SLCO1A2: variants seen among roughly 807,000 people sequenced by gnomAD.
The protein encoded by SLCO1A2 is solute carrier organic anion transporter family member 1A2, also known as OATP-1.
Under a neutral mutation model 69.0 loss-of-function variants are expected in SLCO1A2, and 67 were observed. The ratio of observed to expected loss-of-function variants is 0.97; its 90% CI spans 0.80 to 1.19. The LOEUF (loss-of-function observed/expected upper bound fraction) is 1.19. Among genes scored for constraint, SLCO1A2 ranks in the 50% most tolerant of loss-of-function variants. The pLI, the probability that SLCO1A2 is intolerant of heterozygous loss-of-function variation, is 0.00. For synonymous variants in SLCO1A2, 260 were observed against 265.9 expected, an observed-to-expected ratio of 0.98 and a Z score of 0.22; for missense variants, 787 against 793.7, an observed-to-expected ratio of 0.99 and a Z score of 0.10.
rs1186444203 is a variant in SLCO1A2 at position 21,306,983 on chromosome 12, T to A, written c.341A>T (p.Glu114Val). 1 of 1,604,510 alleles carries A rather than the reference T, an allele frequency of 6.2e-7. No individual in the cohort carries two copies. The highest frequency in any genetic ancestry group is 1.7e-5 in the Admixed American group (1 of 59,992). ...SLPHFLMNQY[E>V]YESTVSVSGN... Reference sequence around the variant, plus strand: ...TGAAACTGAAACTGTAGATTCATATTCATATCTGTATAAACACAGGGAAAA... The same window carrying A: ...TGAAACTGAAACTGTAGATTCATATACATATCTGTATAAACACAGGGAAAA... The change falls in exon 5 of 15, where the codon GAA becomes GTA. Residue 114 changes from glutamate to valine, a missense_variant. Glu to Val is a moderately radical substitution (Grantham distance 121, BLOSUM62 -2). Coordinates refer to ENST00000683939, the MANE Select transcript of SLCO1A2 (RefSeq NM_001386879.1).
rs139732500 is a variant in SLCO1A2 at position 21,334,651 on chromosome 12, G to T, written c.-4C>A. The T allele has an allele frequency of 1.5e-4, 236 of 1,607,586 alleles. 2 individuals carry two copies. In the East Asian group the frequency reaches 5.2e-3, roughly 36 times the overall value. Reference sequence around the variant, plus strand: ...TTCTTTTCTCAGTTTCTCCCATGTTGCTCTTCAGGGTGTTCCAAGCTATTT... The same window carrying T: ...TTCTTTTCTCAGTTTCTCCCATGTTTCTCTTCAGGGTGTTCCAAGCTATTT... On this transcript the variant is annotated 5_prime_UTR_variant, in exon 2 of 15. Coordinates refer to ENST00000683939, the MANE Select transcript of SLCO1A2 (RefSeq NM_001386879.1).
intron 2 of SLCO1A2, among the ~76,000 whole-genome samples, chr12:21,326,385 G>A (rs899700875): frequency 3.3e-5 from 5 of 152,178 alleles, no homozygotes; most frequent in Non-Finnish European, 5.9e-5. Flanking sequence ...CTGGGTAACA[G>A]GCAGAGGTTA....
At chr12:21,330,216 G>C (rs889630649) in intron 2 of SLCO1A2, among the ~76,000 whole-genome samples, 1 of 152,106 alleles carries the variant, frequency 6.6e-6, no homozygotes, top group Admixed American at 6.6e-5. Flanking sequence ...AAAAAGGCCA[G>C]ACACCATGGC....
intron 2 of SLCO1A2, among the ~76,000 whole-genome samples, chr12:21,360,426 G>C (rs1481339850): frequency 6.6e-6 from 1 of 152,194 alleles, no homozygotes; most frequent in Non-Finnish European, 1.5e-5. Context: ...ATAAACATCA[G>C]AGGGTGGCAC....
At chr12:21,274,274 A>G in intron 14 of SLCO1A2, 195 bp downstream of exon 14, 1 of 493,336 alleles carries the variant, frequency 2.0e-6, no homozygotes, top group Non-Finnish European at 3.6e-6. Flanking sequence ...TATATTTACC[A>G]AGCACTTGAG....
chr12:21,302,016 C>T (rs1014743840), intron 6 of SLCO1A2, among the ~76,000 whole-genome samples: 6 of 152,074 alleles, frequency 3.9e-5, no homozygotes, highest in African/African-American at 1.4e-4. Context: ...CTTGGAGAAC[C>T]CGCCCTATAC....
chr12:21,361,643 G>GA (rs1591880887), intron 2 of SLCO1A2, among the ~76,000 whole-genome samples: 1 of 152,156 alleles, frequency 6.6e-6, no homozygotes, highest in Non-Finnish European at 1.5e-5. Context: ...TAAAAACCTT[G>GA]AAAAAAGAGT....
chr12:21,372,747 GT>G (rs1182571811), intron 2 of SLCO1A2: 5 of 154,782 alleles, frequency 3.2e-5, no homozygotes, highest in Non-Finnish European at 7.1e-5. Context: ...TTACTGATGA[GT>G]TAATGTAATA....
At chr12:21,345,282 T>C (rs918944115) in intron 2 of SLCO1A2, among the ~76,000 whole-genome samples, 1 of 152,082 alleles carries the variant, frequency 6.6e-6, no homozygotes, top group African/African-American at 2.4e-5. Flanking sequence ...TCAGATGGAA[T>C]CTGCTTTCTC....
At chr12:21,400,987 C>G (rs1167007097) in intron 1 of SLCO1A2, among the ~76,000 whole-genome samples, 1 of 150,228 alleles carries the variant, frequency 6.7e-6, no homozygotes, top group Non-Finnish European at 1.5e-5. Flanking sequence ...TGTAACTAAC[C>G]TGCACAATGT....
At chr12:21,321,006 C>T (rs901255646) in intron 2 of SLCO1A2, among the ~76,000 whole-genome samples, 2 of 152,144 alleles carry the variant, frequency 1.3e-5, no homozygotes, top group Non-Finnish European at 2.9e-5. Flanking sequence ...ACCTTCCATC[C>T]ACCCTATAGT....
intron 2 of SLCO1A2, among the ~76,000 whole-genome samples, chr12:21,356,937 A>G (rs1938413424): frequency 6.6e-6 from 1 of 152,140 alleles, no homozygotes; most frequent in Non-Finnish European, 1.5e-5. Context: ...TAGATTATAT[A>G]CTAGATTACA....
chr12:21,280,690 T>A (rs11045931), intron 12 of SLCO1A2, among the ~76,000 whole-genome samples: 50,157 of 141,250 alleles, frequency 0.36, 9,460 homozygotes, highest in African/African-American at 0.5. Context: ...AAAAAAAAAA[T>A]AAATAAATAA....
chr12:21,311,347 G>T (rs1591827167), intron 4 of SLCO1A2, among the ~76,000 whole-genome samples: 1 of 151,938 alleles, frequency 6.6e-6, no homozygotes, highest in Non-Finnish European at 1.5e-5. Context: ...CCTTTTCCTA[G>T]TGGAATGTAG....
intron 5 of SLCO1A2, among the ~76,000 whole-genome samples, chr12:21,305,606 TC>T (rs1949267288): frequency 6.6e-6 from 1 of 152,206 alleles, no homozygotes. Flanking sequence ...CAATCCACCT[TC>T]CTGGAGATGT....
upstream of SLCO1A2, among the ~76,000 whole-genome samples, chr12:21,398,047 G>C (rs1200404747): frequency 4.0e-5 from 5 of 124,872 alleles, no homozygotes; most frequent in Admixed American, 4.3e-4. Flanking sequence ...AGGAAATAGA[G>C]ACACAAAAAA....
intron 5 of SLCO1A2, among the ~76,000 whole-genome samples, chr12:21,304,821 C>A (rs1197663264): frequency 1.3e-5 from 2 of 152,044 alleles, no homozygotes; most frequent in Non-Finnish European, 2.9e-5. Context: ...GATGAGTATA[C>A]ACACCTCCTC....
At chr12:21,405,053 A>C (rs569449104) in intron 1 of SLCO1A2, among the ~76,000 whole-genome samples, 1 of 145,886 alleles carries the variant, frequency 6.9e-6, no homozygotes, top group African/African-American at 2.5e-5. Flanking sequence ...GTGTCTGTTC[A>C]TGTCCTTGGG....
intron 14 of SLCO1A2, among the ~76,000 whole-genome samples, chr12:21,271,191 G>T (rs1276991942): frequency 6.6e-6 from 1 of 151,666 alleles, no homozygotes; most frequent in Non-Finnish European, 1.5e-5. Flanking sequence ...TCCTGTAAAA[G>T]GTGTTTTACC....
Sources: gnomAD v4.1 joint callset for allele counts (sites outside exome capture counted in the v4.1 genomes callset) on GRCh38, gnomAD v4.1.1 for gene constraint, MANE v1.5 for transcripts, NCBI Gene and HGNC (gene_info 2026-07-23, HGNC 2026-07-21) for gene names.